Variants in RHCG observed in about 807,000 individuals in gnomAD.
The protein encoded by RHCG is ammonium transporter Rh type C.
A neutral mutation model predicts 55.3 loss-of-function variants in RHCG; 39 were observed. That is an observed-to-expected ratio of 0.70 (90% CI 0.55 to 0.92). RHCG has a LOEUF of 0.92. Among genes scored for constraint, RHCG ranks in the 40% least tolerant of loss-of-function variants. RHCG has a pLI of 0.00. For missense variants in RHCG, 635 were observed against 627.9 expected (o/e 1.01, Z -0.12); for synonymous variants, 250 against 246.8 (o/e 1.01, Z -0.12).
At chr15:89,480,486 C>A in intron 3 of RHCG, 78 bp from the exon 4 acceptor site, 1 of 1,516,966 alleles carries the variant, frequency 6.6e-7, no homozygotes, top group Non-Finnish European at 9.0e-7. Context: ...TTGCCACACA[C>A]ACACACGCCC....
chr15:89,474,180 A>G (rs1258563447), intron 9 of RHCG, among the ~76,000 whole-genome samples: 1 of 152,212 alleles, frequency 6.6e-6, no homozygotes, highest in Non-Finnish European at 1.5e-5. Context: ...ATAGAAAGGA[A>G]ATATACCAGA....
At chr15:89,483,669 G>A (rs1352004668) in intron 2 of RHCG, among the ~76,000 whole-genome samples, 2 of 152,010 alleles carry the variant, frequency 1.3e-5, no homozygotes, top group Non-Finnish European at 2.9e-5. Flanking sequence ...CTCTCACTCT[G>A]CACACACCTC....
At chr15:89,486,675 G>A (rs1289028214) in intron 2 of RHCG, 124 bp downstream of exon 2, 3 of 753,110 alleles carry the variant, frequency 4.0e-6, no homozygotes, top group Non-Finnish European at 6.4e-6. Context: ...TGGCCCAAAG[G>A]AGGAGTTGCC....
chr15:89,486,599 A>AGAGTGAGTGTGT lies in RHCG; in HGVS notation c.371+199_371+200insACACACTCACTC. ...GAGAGAGAGAGAGAGAGAGAGAGAGAGTGTGTGTGTGTGTGTGTGTGTGTG... is the reference window on the plus strand; with the variant it reads ...GAGAGAGAGAGAGAGAGAGAGAGAGAGAGTGAGTGTGTGTGTGTGTGTGTGTGTGTGTGTGTG... On this transcript the variant is annotated intron_variant, in intron 2 of 10. Transcript: ENST00000268122. 359 of 264,322 alleles carry AGAGTGAGTGTGT rather than the reference A, an allele frequency of 1.4e-3. 4 individuals carry two copies. In the Admixed American group the frequency reaches 0.016, roughly 12 times the overall value. The allele number at this position is 264,322 out of a possible 1,614,324, so 16.4% of individuals were successfully genotyped here.
intron 2 of RHCG, among the ~76,000 whole-genome samples, chr15:89,484,497 A>C (rs1961323709): frequency 6.6e-6 from 1 of 152,102 alleles, no homozygotes; most frequent in Non-Finnish European, 1.5e-5. Context: ...GGAGAGAGAG[A>C]GAGGCCGGCC....
rs773890453 is a variant in RHCG, at chr15:89,479,396, A to C, written c.763T>G (p.Cys255Gly). 6.2e-7 allele frequency: 1 copy of C among 1,614,188 alleles called. No homozygotes were observed. Among genetic ancestry groups the C allele is most frequent in the South Asian group, 1.1e-5 (1 of 91,086 alleles). ...SQHRAAINTY[C>G]SLAACVLTSV... The stretch of plus-strand genomic sequence containing the variant: ...GTAAGCACGCAGGCTGCCAAGGAGC[A>C]GTAGGTGTTGATGGCGGCTCGGTGC... The change falls in exon 5 of 11, where the codon TGC becomes GGC. Residue 255 changes from cysteine to glycine, a missense_variant. By Grantham distance (159) the Cys-to-Gly change is radical. Coordinates refer to ENST00000268122, the MANE Select transcript of RHCG (RefSeq NM_016321.3).
At chr15:89,486,317 C>G (rs1471544485) in intron 2 of RHCG, 1 of 456,702 alleles carries the variant, frequency 2.2e-6, no homozygotes, top group Non-Finnish European at 4.4e-6. Context: ...CACAAGGAGC[C>G]TCTGAGGCTG....
chr15:89,492,974 T>A (rs780044401), intron 1 of RHCG, among the ~76,000 whole-genome samples: 118 of 152,190 alleles, frequency 7.8e-4, no homozygotes, highest in Non-Finnish European at 1.6e-3. Flanking sequence ...AAATAACATT[T>A]CTACCTTAAG....
intron 2 of RHCG, among the ~76,000 whole-genome samples, chr15:89,485,564 C>T (rs1596406240): frequency 6.6e-6 from 1 of 152,326 alleles, no homozygotes; most frequent in South Asian, 2.1e-4. Context: ...TGGTTTATAC[C>T]AGTTTGCCTC....
At chr15:89,494,831 C>G (rs932897459) in intron 1 of RHCG, among the ~76,000 whole-genome samples, 2 of 152,006 alleles carry the variant, frequency 1.3e-5, no homozygotes, top group African/African-American at 4.8e-5. Flanking sequence ...TTGAGGTCCT[C>G]CACTCCCCAG....
chr15:89,473,568 A>G (rs1215024159), intron 9 of RHCG, among the ~76,000 whole-genome samples: 1 of 152,218 alleles, frequency 6.6e-6, no homozygotes, highest in Non-Finnish European at 1.5e-5. Context: ...AGCAGGTTAC[A>G]CCTATCACAG....
At chr15:89,479,035 G>A (rs750870087) in intron 5 of RHCG, among the ~76,000 whole-genome samples, 3 of 138,904 alleles carry the variant, frequency 2.2e-5, no homozygotes, top group Non-Finnish European at 4.4e-5. Flanking sequence ...GGGATGCAGA[G>A]GTTGCAGTGA....
intron 9 of RHCG, among the ~76,000 whole-genome samples, chr15:89,475,438 G>T (rs978543732): frequency 2.4e-4 from 36 of 152,162 alleles, no homozygotes; most frequent in Non-Finnish European, 4.9e-4. Context: ...TAGAGACAGG[G>T]TTTTGCCATG....
intron 3 of RHCG, among the ~76,000 whole-genome samples, chr15:89,482,588 C>T (rs1450832278): frequency 6.6e-6 from 1 of 152,170 alleles, no homozygotes; most frequent in Non-Finnish European, 1.5e-5. Flanking sequence ...ACTGAATTGA[C>T]CTCCCCGAGG....
At chr15:89,480,091 G>T (rs941451266) in intron 4 of RHCG, among the ~76,000 whole-genome samples, 170 bp downstream of exon 4, 1 of 152,200 alleles carries the variant, frequency 6.6e-6, no homozygotes, top group African/African-American at 2.4e-5. Flanking sequence ...AACTCTGTTT[G>T]CCCTTCCCCC....
At chr15:89,486,583 AGAGAGAGAGAGAGAGAGTGTGTGTGT>A (rs1442845682) in intron 2 of RHCG, 190 bp downstream of exon 2, 1 of 505,826 alleles carries the variant, frequency 2.0e-6, no homozygotes, top group African/African-American at 2.3e-5. Flanking sequence ...AGAGAGAGAG[AGAGAGAGAGAGAGAGAGTGTGTGTGT>A]GTGTGTGTGT....
At chr15:89,489,284 T>A (rs1567228696) in intron 1 of RHCG, among the ~76,000 whole-genome samples, 1 of 140,248 alleles carries the variant, frequency 7.1e-6, no homozygotes, top group Non-Finnish European at 1.5e-5. Flanking sequence ...ACCCAGCTAA[T>A]TTTTTTTTTT....
At chr15:89,480,479 C>A (rs1339509954) in intron 3 of RHCG, 71 bp from the exon 4 acceptor site, 1 of 1,529,832 alleles carries the variant, frequency 6.5e-7, no homozygotes, top group East Asian at 2.3e-5. Context: ...CCCTGTCTTG[C>A]CACACACACA....
chr15:89,484,779 CAAAAAA>C (rs59658119), intron 2 of RHCG, among the ~76,000 whole-genome samples: 1 of 101,428 alleles, frequency 9.9e-6, no homozygotes. Context: ...AACTCAGTCT[CAAAAAA>C]AAAAAAAAAA....
Sources: allele counts gnomAD v4.1 joint callset (sites outside exome capture counted in the v4.1 genomes callset), GRCh38; gene constraint gnomAD v4.1.1; transcripts MANE v1.5; gene names NCBI Gene and HGNC (gene_info 2026-07-23, HGNC 2026-07-21).